Variants in UTP20 observed in about 807,000 individuals in gnomAD.
UTP20 encodes the protein UTP20 small subunit processome component.
In UTP20, 164 loss-of-function variants were observed where a neutral mutation model predicts 329.5. The ratio of observed to expected loss-of-function variants is 0.50; its 90% CI spans 0.44 to 0.57. UTP20 has a LOEUF of 0.57. Among genes scored for constraint, UTP20 ranks in the 20% least tolerant of loss-of-function variants. The pLI, the probability that UTP20 is intolerant of heterozygous loss-of-function variation, is 0.00. For missense variants in UTP20, 3,055 were observed against 3,284.2 expected, an observed-to-expected ratio of 0.93 and a Z score of 1.71; for synonymous variants, 1,151 against 1,159.3, an observed-to-expected ratio of 0.99 and a Z score of 0.14.
rs1197384749 is a variant in UTP20 at position 101,383,659 on chromosome 12, T to TTCAGAGCAAG, written c.8047_8056dup (p.Asp2686ValfsTer25). The TTCAGAGCAAG allele has an allele frequency of 6.2e-7, 1 of 1,609,378 alleles. No individual in the cohort carries two copies. The highest frequency in any genetic ancestry group is 8.5e-7 in the Non-Finnish European group (1 of 1,177,414). ...TGTTTCGGGAACTCAACAGCACCTA[T>TTCAGAGCAAG]TCAGAGCAAGGTAACCCTGCCTCGT... On this transcript the variant is annotated frameshift_variant, in exon 60 of 62. Coordinates refer to ENST00000261637, the MANE Select transcript of UTP20 (RefSeq NM_014503.3). LOFTEE classifies it high-confidence loss of function.
At chr12:101,329,528 T>C in intron 27 of UTP20, 79 bp downstream of exon 27, 2 of 1,394,156 alleles carry the variant, frequency 1.4e-6, no homozygotes, top group Non-Finnish European at 2.0e-6. Context: ...AGCCTAGAAG[T>C]ATAAGGTATC....
intron 16 of UTP20, among the ~76,000 whole-genome samples, chr12:101,306,277 A>G (rs546165814): frequency 3.3e-5 from 5 of 152,308 alleles, no homozygotes; most frequent in African/African-American, 1.2e-4. Context: ...CCTACCCTCA[A>G]AGATTCCAAT....
At chr12:101,308,078 A>T in intron 17 of UTP20, 107 bp from the exon 18 acceptor site, 1 of 961,318 alleles carries the variant, frequency 1.0e-6, no homozygotes, top group Non-Finnish European at 1.4e-6. Context: ...TAAAAATATT[A>T]ACATATTCCA....
At chr12:101,382,913 T>C in intron 58 of UTP20, 128 bp from the exon 59 acceptor site, 1 of 1,133,656 alleles carries the variant, frequency 8.8e-7, no homozygotes, top group Non-Finnish European at 1.2e-6. Flanking sequence ...AGTTGTTAAA[T>C]AGTTGTAATA....
intron 38 of UTP20, among the ~76,000 whole-genome samples, chr12:101,351,374 C>G (rs1446045369): frequency 6.6e-6 from 1 of 152,124 alleles, no homozygotes; most frequent in African/African-American, 2.4e-5. Flanking sequence ...ATCCACCAGC[C>G]TCGGCCTCCC....
chr12:101,359,812 C>T (rs986355176), intron 43 of UTP20, among the ~76,000 whole-genome samples: 5 of 152,156 alleles, frequency 3.3e-5, no homozygotes, highest in African/African-American at 1.2e-4. Context: ...AGGGGCCAAG[C>T]AATGGCAGCA....
chr12:101,386,195 TG>T lies in UTP20; in HGVS notation c.*76del. ...TAGTCTGAAATTACAGTAGGTTGTC[TG>T]GGGTAGGGGGGAGGCGTTTTTTTTT... is the stretch of plus-strand genomic sequence containing the variant. On this transcript the variant is annotated 3_prime_UTR_variant, in exon 62 of 62. Coordinates refer to ENST00000261637, the MANE Select transcript of UTP20 (RefSeq NM_014503.3). The T allele has an allele frequency of 6.9e-7, 1 of 1,445,020 alleles. No homozygotes were observed. The highest frequency in any genetic ancestry group is 9.4e-7 in the Non-Finnish European group (1 of 1,066,318). The allele number at this position is 1,445,020 out of a possible 1,614,324, so 89.5% of individuals were successfully genotyped here.
chr12:101,379,163 A>G (rs1593456534), intron 56 of UTP20, among the ~76,000 whole-genome samples: 1 of 152,204 alleles, frequency 6.6e-6, no homozygotes, highest in South Asian at 2.1e-4. Flanking sequence ...CCAACACTAA[A>G]CTTATTCCTT....
intron 58 of UTP20, 24 bp from the exon 59 acceptor site, chr12:101,383,017 C>G: frequency 6.4e-7 from 1 of 1,573,400 alleles, no homozygotes; most frequent in Middle Eastern, 2.1e-4. Flanking sequence ...CCAATTTCTT[C>G]CCCCACCCCG....
rs1871744152 is a variant in UTP20, at chr12:101,280,161, G to C, written c.-122G>C. 1 of 1,305,914 alleles carries C rather than the reference G, an allele frequency of 7.7e-7. No individual in the cohort carries two copies. Among genetic ancestry groups the C allele is most frequent in the Non-Finnish European group, 1.1e-6 (1 of 950,148 alleles). 80.9% of individuals were successfully genotyped at this position (1,305,914 alleles called of 1,614,324 possible). ...GCGCCCAGGGGCTCAAGCCGCACGT[G>C]AGAAAGTCTGGGCATCTGGGAATCG... On this transcript the variant is annotated 5_prime_UTR_variant, in exon 1 of 62. It removes the in-frame stop codon of an upstream open reading frame in the 5' UTR. Transcript: ENST00000261637.
intron 25 of UTP20, among the ~76,000 whole-genome samples, chr12:101,323,086 AAATTGAG>A (rs1868427392): frequency 6.6e-6 from 1 of 152,194 alleles, no homozygotes; most frequent in South Asian, 2.1e-4. Context: ...TTTTGAAAGA[AAATTGAG>A]ATGATATTTT....
intron 12 of UTP20, among the ~76,000 whole-genome samples, chr12:101,299,337 A>G (rs1360399909): frequency 6.6e-6 from 1 of 152,238 alleles, no homozygotes; most frequent in African/African-American, 2.4e-5. Flanking sequence ...AATTCATGTC[A>G]AAAAGGAAAG....
chr12:101,313,543 A>T (rs1000111122), intron 21 of UTP20, among the ~76,000 whole-genome samples: 1 of 152,172 alleles, frequency 6.6e-6, no homozygotes, highest in African/African-American at 2.4e-5. Context: ...TAGAGAGACC[A>T]GTCATGAGGA....
intron 25 of UTP20, among the ~76,000 whole-genome samples, chr12:101,323,544 T>C (rs1247801619): frequency 6.6e-6 from 1 of 152,212 alleles, no homozygotes; most frequent in East Asian, 1.9e-4. Context: ...ATAAATGATA[T>C]CATGTTGTAT....
At position 101,286,421 on chromosome 12, in the gene UTP20, G is replaced by C; in HGVS notation, c.427G>C (p.Glu143Gln). The change falls in exon 5 of 62, where the codon GAG becomes CAG. Residue 143 changes from glutamate (E) to glutamine (Q), a missense_variant. Physicochemically the swap from Glu to Gln is conservative, Grantham distance 29. Around this residue, in one of 3 missense-constraint regions of UTP20, gnomAD observed 2,445 missense variants for 2,575.5 expected, o/e 0.95. Coordinates refer to ENST00000261637, the MANE Select transcript of UTP20 (RefSeq NM_014503.3). ...ITSILETQDT[E>Q]LLEWAFTSLS... ...CTCGATCCTGGAGACTCAGGACACA[G>C]AGTTGTTAGAATGGGCTTTCACCTC... 1 of 1,613,912 alleles carries C rather than the reference G, an allele frequency of 6.2e-7. No individual in the cohort carries two copies. The highest frequency in any genetic ancestry group is 8.5e-7 in the Non-Finnish European group (1 of 1,179,946).
intron 12 of UTP20, among the ~76,000 whole-genome samples, chr12:101,298,678 A>G (rs1459360765): frequency 6.6e-6 from 1 of 152,128 alleles, no homozygotes; most frequent in Admixed American, 6.5e-5. Context: ...GCATCTTAGT[A>G]TTTTGTAAGA....
intron 23 of UTP20, 33 bp from the exon 24 acceptor site, chr12:101,320,819 G>T: frequency 6.4e-7 from 1 of 1,566,980 alleles, no homozygotes; most frequent in South Asian, 1.2e-5. Context: ...ATGTATATAT[G>T]ACTTCATTAA....
intron 29 of UTP20, among the ~76,000 whole-genome samples, chr12:101,335,343 T>C (rs1438897708): frequency 6.6e-6 from 1 of 152,260 alleles, no homozygotes; most frequent in African/African-American, 2.4e-5. Context: ...TTGATAGAGA[T>C]GTTCTTCCAA....
At position 101,310,595 on chromosome 12, in the gene UTP20, A is replaced by AAAAAAAAAAAAAAAAAAG. The variant is rs1330692306; in HGVS notation, c.2231+759_2231+760insAAAAAAAAAAAAAAGAAA. On this transcript the variant is annotated intron_variant, in intron 19 of 61. Coordinates refer to ENST00000261637, the MANE Select transcript of UTP20 (RefSeq NM_014503.3). ...TGTCTCCCAAAAAAAAAAAAAAAAA[A>AAAAAAAAAAAAAAAAAAG]AAATACATGTTATGGCTCATGTGTA... Among the ~76,000 whole-genome samples the AAAAAAAAAAAAAAAAAAG allele has an allele frequency of 8.2e-4, 100 of 121,712 alleles. 5 individuals are homozygous for AAAAAAAAAAAAAAAAAAG. Among genetic ancestry groups the AAAAAAAAAAAAAAAAAAG allele is most frequent in the South Asian group, 2.0e-3 (7 of 3,518 alleles). 79.8% of individuals were successfully genotyped at this position (121,712 alleles called of 152,430 possible).
Sources: allele counts gnomAD v4.1 joint callset (sites outside exome capture counted in the v4.1 genomes callset), GRCh38; gene constraint gnomAD v4.1.1; regional missense constraint gnomAD v4.1.1; transcripts MANE v1.5; gene names NCBI Gene and HGNC (gene_info 2026-07-23, HGNC 2026-07-21).